The following NYAP2 variants were observed in gnomAD, a reference collection of about 807,000 sequenced individuals.
NYAP2 encodes the protein neuronal tyrosine-phosphorylated phosphoinositide-3-kinase adapter 2.
In NYAP2, 23 loss-of-function variants were observed where a neutral mutation model predicts 50.4. That is an observed-to-expected ratio of 0.46 (90% CI 0.33 to 0.65). The LOEUF (loss-of-function observed/expected upper bound fraction) is 0.65, where lower values mean the gene tolerates loss of function less well. NYAP2 is among the 30% of genes least tolerant of loss of function. The probability of loss-of-function intolerance (pLI) is 0.02; values close to 1 mark genes in which losing one functional copy is unlikely to be tolerated. For synonymous variants in NYAP2, 394 were observed against 365.2 expected (o/e 1.08, Z -0.90); for missense variants, 885 against 861.0 (o/e 1.03, Z -0.35).
At chr2:225,616,021 C>G (rs2396247) in intron 5 of NYAP2, among the ~76,000 whole-genome samples, 75,394 of 151,994 alleles carry the variant, frequency 0.5, 19,579 homozygotes, top group South Asian at 0.67. Context: ...CGATCTTGGG[C>G]AAGTTGTGTG....
chr2:225,511,904 T>C (rs1363168557), intron 3 of NYAP2, among the ~76,000 whole-genome samples: 8 of 152,178 alleles, frequency 5.3e-5, no homozygotes, highest in South Asian at 4.1e-4. Flanking sequence ...TCTGGGAAGG[T>C]AGACTCAGCA....
intron 6 of NYAP2, among the ~76,000 whole-genome samples, chr2:225,630,655 A>C (rs1371541028): frequency 2.0e-5 from 3 of 152,374 alleles, no homozygotes; most frequent in African/African-American, 4.8e-5. Flanking sequence ...TTGCATAAGC[A>C]GTAGATGGTG....
chr2:225,645,503 C>G (rs1315946174), intron 6 of NYAP2, among the ~76,000 whole-genome samples: 2 of 151,826 alleles, frequency 1.3e-5, no homozygotes, highest in Non-Finnish European at 2.9e-5. Flanking sequence ...CTCTCTCTCT[C>G]TTTCTGAATC....
intron 4 of NYAP2, among the ~76,000 whole-genome samples, chr2:225,524,480 C>T (rs1287022556): frequency 1.3e-5 from 2 of 152,158 alleles, no homozygotes; most frequent in East Asian, 3.9e-4. Context: ...CTTTTGGCAA[C>T]ACCCTCACAG....
At chr2:225,605,590 G>T (rs965947329) in intron 5 of NYAP2, among the ~76,000 whole-genome samples, 10 of 151,946 alleles carry the variant, frequency 6.6e-5, no homozygotes, top group African/African-American at 1.7e-4. Context: ...GGTTGGTTGT[G>T]GTTGTGCTTG....
chr2:225,661,358 T>C, the NYAP2 span, among the ~76,000 whole-genome samples: 20 of 152,242 alleles, frequency 1.3e-4, no homozygotes, highest in African/African-American at 4.6e-4. Context: ...GCTCACCTGC[T>C]GGACAAATCT....
intron 4 of NYAP2, among the ~76,000 whole-genome samples, chr2:225,537,942 G>A (rs992141769): frequency 9.9e-5 from 15 of 152,096 alleles, no homozygotes; most frequent in Admixed American, 3.3e-4. Context: ...GTGGCTACAG[G>A]CCCCATGCAA....
intron 3 of NYAP2, among the ~76,000 whole-genome samples, chr2:225,473,363 A>C (rs1039451700): frequency 6.6e-6 from 1 of 152,218 alleles, no homozygotes; most frequent in African/African-American, 2.4e-5. Context: ...TTCTAGTTCT[A>C]GATCCCTCAG....
intron 6 of NYAP2, among the ~76,000 whole-genome samples, chr2:225,637,658 G>GT (rs1693444539): frequency 6.6e-6 from 1 of 152,130 alleles, no homozygotes; most frequent in African/African-American, 2.4e-5. Context: ...GGAGGGTACT[G>GT]TAAGCTGTAG....
At chr2:225,513,285 C>A in intron 3 of NYAP2, 86 bp from the exon 4 acceptor site, 3 of 1,208,554 alleles carry the variant, frequency 2.5e-6, no homozygotes, top group Admixed American at 2.3e-5. Flanking sequence ...TTGAAATTTT[C>A]CCTATTAGTA....
At chr2:225,597,022 C>T (rs1480695291) in intron 5 of NYAP2, among the ~76,000 whole-genome samples, 2 of 152,080 alleles carry the variant, frequency 1.3e-5, no homozygotes, top group African/African-American at 2.4e-5. Flanking sequence ...AAAACAACCT[C>T]CTTATAGTGG....
chr2:225,422,650 A>T (rs1044093139), intron 3 of NYAP2, among the ~76,000 whole-genome samples: 2 of 152,200 alleles, frequency 1.3e-5, no homozygotes, highest in Non-Finnish European at 2.9e-5. Flanking sequence ...CAACAGTGTC[A>T]GCTAAAAATA....
intron 3 of NYAP2, among the ~76,000 whole-genome samples, chr2:225,463,143 A>T (rs957946372): frequency 2.0e-5 from 3 of 152,236 alleles, no homozygotes; most frequent in African/African-American, 7.2e-5. Flanking sequence ...TGTGGATTCC[A>T]AACAGGCATT....
At chr2:225,458,208 T>C (rs1481419943) in intron 3 of NYAP2, among the ~76,000 whole-genome samples, 5 of 152,184 alleles carry the variant, frequency 3.3e-5, no homozygotes, top group Non-Finnish European at 7.3e-5. Context: ...GTACTCTGCG[T>C]ACTACAGGTG....
intron 6 of NYAP2, among the ~76,000 whole-genome samples, chr2:225,650,368 C>T (rs914571664): frequency 5.3e-5 from 8 of 152,208 alleles, no homozygotes; most frequent in East Asian, 1.9e-4. Flanking sequence ...CTCTGGCACG[C>T]GTGTCAGTTC....
the NYAP2 span, among the ~76,000 whole-genome samples, chr2:225,665,680 G>A: frequency 6.6e-4 from 99 of 150,944 alleles, no homozygotes; most frequent in African/African-American, 1.9e-3. Flanking sequence ...GTGGTGGTGC[G>A]TGCCTGTAAT....
intron 4 of NYAP2, among the ~76,000 whole-genome samples, chr2:225,535,167 T>G (rs997171246): frequency 6.6e-6 from 1 of 152,230 alleles, no homozygotes; most frequent in African/African-American, 2.4e-5. Context: ...CCACCTGCAC[T>G]GCAGAAGCTT....
intron 5 of NYAP2, among the ~76,000 whole-genome samples, chr2:225,611,374 T>A (rs1030949606): frequency 2.0e-5 from 3 of 152,118 alleles, no homozygotes; most frequent in African/African-American, 7.2e-5. Context: ...GAAATTCTTT[T>A]CAGAAGGAGG....
intron 3 of NYAP2, among the ~76,000 whole-genome samples, chr2:225,416,935 T>C (rs1040772193): frequency 1.3e-5 from 2 of 152,118 alleles, no homozygotes; most frequent in African/African-American, 4.8e-5. Context: ...CCATGGCAAA[T>C]TGAATGATTA....
Sources: allele counts gnomAD v4.1 joint callset (sites outside exome capture counted in the v4.1 genomes callset), GRCh38; gene constraint gnomAD v4.1.1; transcripts MANE v1.5; gene names NCBI Gene and HGNC (gene_info 2026-07-23, HGNC 2026-07-21).